The following PPP6R3 variants were observed in gnomAD, a reference collection of about 807,000 sequenced individuals.
PPP6R3 encodes the protein serine/threonine-protein phosphatase 6 regulatory subunit 3.
PPP6R3 carries 38 observed loss-of-function variants against 110.7 expected under a neutral mutation model. The ratio of observed to expected loss-of-function variants is 0.34; its 90% CI spans 0.26 to 0.45. PPP6R3 has a LOEUF of 0.45. Among genes scored for constraint, PPP6R3 ranks in the 20% least tolerant of loss-of-function variants. PPP6R3 has a pLI of 1.00. For missense variants in PPP6R3, 870 were observed against 1,062.4 expected, an observed-to-expected ratio of 0.82 and a Z score of 2.52; for synonymous variants, 369 against 373.5, an observed-to-expected ratio of 0.99 and a Z score of 0.14.
chr11:68,509,496 T>C (rs2099096852), intron 1 of PPP6R3, among the ~76,000 whole-genome samples: 1 of 141,468 alleles, frequency 7.1e-6, no homozygotes, highest in Admixed American at 7.3e-5. Context: ...TTTTACCAAG[T>C]CCTGCTTAAT....
intron 1 of PPP6R3, among the ~76,000 whole-genome samples, chr11:68,504,567 G>C (rs1258585895): frequency 6.6e-6 from 1 of 152,166 alleles, no homozygotes. Flanking sequence ...CCTTATTGCA[G>C]CTAAAAGTAA....
At position 68,558,546 on chromosome 11, in the gene PPP6R3, T is replaced by A. The variant is rs1487967988; in HGVS notation, c.732-20T>A. Reference sequence around the variant, plus strand: ...TGATAAGTGATACTGCAGTTAGTGATTATTGATTTGTTTCCCTAGGCAAGA... The same window carrying A: ...TGATAAGTGATACTGCAGTTAGTGAATATTGATTTGTTTCCCTAGGCAAGA... On this transcript the variant is annotated intron_variant, in intron 7 of 23. Coordinates refer to ENST00000393800, the MANE Select transcript of PPP6R3 (RefSeq NM_001164161.2). 3.3e-6 allele frequency: 5 copies of A among 1,521,520 alleles called. No individual in the cohort carries two copies. In the African/African-American group the frequency reaches 4.1e-5, roughly 13 times the overall value. 94.3% of individuals were successfully genotyped at this position (1,521,520 alleles called of 1,614,324 possible).
At chr11:68,462,038 T>TC (rs1483452415) in intron 1 of PPP6R3, among the ~76,000 whole-genome samples, 1 of 152,174 alleles carries the variant, frequency 6.6e-6, no homozygotes, top group Non-Finnish European at 1.5e-5. Context: ...TCTTTTTTTT[T>TC]CTCTGTAGTA....
At chr11:68,561,528 TC>T (rs1182619421) in intron 8 of PPP6R3, among the ~76,000 whole-genome samples, 1 of 152,212 alleles carries the variant, frequency 6.6e-6, no homozygotes, top group Non-Finnish European at 1.5e-5. Flanking sequence ...TATGAGTGAA[TC>T]AAGTCTAACA....
intron 5 of PPP6R3, among the ~76,000 whole-genome samples, chr11:68,549,596 T>C (rs1203303312): frequency 6.6e-6 from 1 of 152,174 alleles, no homozygotes; most frequent in Non-Finnish European, 1.5e-5. Context: ...ATGTATCTTT[T>C]CCCAAAAGAG....
chr11:68,477,739 A>ATATAT (rs768026020), intron 1 of PPP6R3, among the ~76,000 whole-genome samples: 55 of 80,384 alleles, frequency 6.8e-4, no homozygotes, highest in East Asian at 3.1e-3. Flanking sequence ...AAAAAAAAAA[A>ATATAT]AAATATATAT....
At chr11:68,508,121 C>CTTTTTTTTTTTTTTTTT (rs748376581) in intron 1 of PPP6R3, among the ~76,000 whole-genome samples, 21 of 77,622 alleles carry the variant, frequency 2.7e-4, no homozygotes, top group African/African-American at 1.2e-3. Flanking sequence ...GTTTTTTGGC[C>CTTTTTTTTTTTTTTTTT]TTTTTTTTTT....
intron 21 of PPP6R3, among the ~76,000 whole-genome samples, chr11:68,602,727 C>G (rs2099635607): frequency 6.6e-6 from 1 of 152,152 alleles, no homozygotes; most frequent in Admixed American, 6.5e-5. Context: ...GCATTTGACT[C>G]CTCAGTGGTT....
At chr11:68,492,232 C>T (rs982187238) in intron 1 of PPP6R3, among the ~76,000 whole-genome samples, 1 of 152,198 alleles carries the variant, frequency 6.6e-6, no homozygotes, top group African/African-American at 2.4e-5. Flanking sequence ...TCATAGCTCA[C>T]TGCAACCTCA....
chr11:68,516,838 C>T (rs1330925321), intron 1 of PPP6R3, among the ~76,000 whole-genome samples: 1 of 152,176 alleles, frequency 6.6e-6, no homozygotes, highest in Non-Finnish European at 1.5e-5. Flanking sequence ...GTTCCAGTTT[C>T]TCCACATCCT....
rs185866797 is a variant in PPP6R3, at chr11:68,477,802, C to G, written c.-158+16975C>G. Among the ~76,000 whole-genome samples the G allele has an allele frequency of 1.6e-4, 22 of 135,900 alleles. No individual in the cohort carries two copies. In the East Asian group the frequency reaches 2.2e-3, roughly 14 times the overall value. 89.2% of individuals were successfully genotyped at this position (135,900 alleles called of 152,430 possible). On this transcript the variant is annotated intron_variant, in intron 1 of 23. Coordinates refer to ENST00000393800, the MANE Select transcript of PPP6R3 (RefSeq NM_001164161.2). ...CCAACTTACAGTCGATTTTTTGGGA[C>G]ATAACCAACCCCATGGTAAGTTGAG... is the stretch of plus-strand genomic sequence containing the variant.
intron 1 of PPP6R3, among the ~76,000 whole-genome samples, chr11:68,517,513 A>G (rs1396596917): frequency 1.3e-5 from 2 of 152,212 alleles, no homozygotes; most frequent in African/African-American, 2.4e-5. Flanking sequence ...CAGAGAATGC[A>G]TAAGACAAAT....
chr11:68,543,852 G>A lies in PPP6R3; in HGVS notation c.228-986G>A, dbSNP rs146637073. Among the ~76,000 whole-genome samples the A allele has an allele frequency of 3.0e-4, 46 of 152,318 alleles. No homozygotes were observed. The East Asian group carries it at 8.7e-3, about 29-fold the overall frequency. ...AACAGACACGAGATTGTCATAGTAG[G>A]AGTAAGTGGAGGAAATGGACCTGCT... On this transcript the variant is annotated intron_variant, in intron 3 of 23. Coordinates refer to ENST00000393800, the MANE Select transcript of PPP6R3 (RefSeq NM_001164161.2).
chr11:68,488,120 T>G lies in PPP6R3; in HGVS notation c.-158+27293T>G, dbSNP rs551559736. On this transcript the variant is annotated intron_variant, in intron 1 of 23. Transcript: ENST00000393800. ...CTTTATCATTATGTAATACCTCTCTTTAGCCTTGATAACTTTTCTTGTTAT... is the reference window on the plus strand; with the variant it reads ...CTTTATCATTATGTAATACCTCTCTGTAGCCTTGATAACTTTTCTTGTTAT... Among the ~76,000 whole-genome samples the G allele has an allele frequency of 3.9e-5, 6 of 152,368 alleles. No individual in the cohort carries two copies. The East Asian group carries it at 1.2e-3, about 29-fold the overall frequency.
chr11:68,497,094 G>A (rs1444541135), intron 1 of PPP6R3, among the ~76,000 whole-genome samples: 1 of 136,260 alleles, frequency 7.3e-6, no homozygotes, highest in Admixed American at 7.3e-5. Context: ...TCACCCAGGC[G>A]GGAGTGCAGT....
chr11:68,571,226 T>A, intron 12 of PPP6R3, 122 bp downstream of exon 12: 1 of 1,274,232 alleles, frequency 7.8e-7, no homozygotes, highest in Non-Finnish European at 1.0e-6. Context: ...TTTTACAATT[T>A]AAACTTTTCC....
rs1406896897 is a variant in PPP6R3, at chr11:68,564,350, C to T, written c.893C>T (p.Ala298Val). 16 of 1,613,040 alleles carry T rather than the reference C, an allele frequency of 9.9e-6. No individual in the cohort carries two copies. The highest frequency in any genetic ancestry group is 1.3e-5 in the Non-Finnish European group (15 of 1,179,064). The stretch of plus-strand genomic sequence containing the variant: ...TGCCCACCAGGCATGAGCCATTCAG[C>T]TTGTTCAGTAAACAAGAGTGTTCTA... ...EICPPGMSHS[A>V]CSVNKSVLEA... is the part of the protein sequence containing the mutation. Residue 298 changes from alanine to valine, a missense_variant, in exon 9 of 24, where the codon GCT becomes GTT. Transcript: ENST00000393800.
At chr11:68,613,010 T>G (rs1410919991) in intron 23 of PPP6R3, 56 bp from the exon 24 acceptor site, 2 of 1,613,562 alleles carry the variant, frequency 1.2e-6, no homozygotes, top group Non-Finnish European at 1.7e-6. Context: ...CTAAGTAGGT[T>G]TTGTTTTTCA....
intron 8 of PPP6R3, among the ~76,000 whole-genome samples, chr11:68,562,642 G>T (rs1316132726): frequency 6.6e-6 from 1 of 152,200 alleles, no homozygotes; most frequent in Non-Finnish European, 1.5e-5. Flanking sequence ...ACAGAGGCAT[G>T]GGGGCAGTTC....
Sources: allele counts gnomAD v4.1 joint callset (sites outside exome capture counted in the v4.1 genomes callset), GRCh38; gene constraint gnomAD v4.1.1; transcripts MANE v1.5; gene names NCBI Gene and HGNC (gene_info 2026-07-23, HGNC 2026-07-21).